The following NEBL variants were observed in gnomAD, a reference collection of about 807,000 sequenced individuals.
The protein encoded by NEBL is nebulette.
NEBL carries 122 observed loss-of-function variants against 140.2 expected under a neutral mutation model. The ratio of observed to expected loss-of-function variants is 0.87; its 90% CI spans 0.75 to 1.01. NEBL has a LOEUF of 1.01. Ranked by LOEUF, NEBL falls within the 50% of genes least tolerant of loss-of-function variation. The pLI is 0.00. For missense variants in NEBL, 1,365 were observed against 1,231.3 expected (o/e 1.11, Z -1.62); for synonymous variants, 436 against 398.9 (o/e 1.09, Z -1.11).
At chr10:20,931,590 G>A (rs1401453223) in intron 4 of NEBL, among the ~76,000 whole-genome samples, 2 of 152,102 alleles carry the variant, frequency 1.3e-5, no homozygotes, top group Non-Finnish European at 2.9e-5. Context: ...CAGGCCTCCT[G>A]GGGGAGGCTC....
intron 1 of NEBL, among the ~76,000 whole-genome samples, chr10:21,270,242 T>C (rs58335572): frequency 0.14 from 20,972 of 152,150 alleles, 2,004 homozygotes; most frequent in African/African-American, 0.26. Context: ...TCAGAAATTA[T>C]CGTAAACCAC....
chr10:20,825,827 C>A (rs893187712), intron 18 of NEBL, among the ~76,000 whole-genome samples: 3 of 152,060 alleles, frequency 2.0e-5, no homozygotes, highest in African/African-American at 7.2e-5. Flanking sequence ...CAGAAGAGGA[C>A]CCCTCCCCCC....
chr10:21,111,174 T>C (rs1362896318), intron 2 of NEBL, among the ~76,000 whole-genome samples: 1 of 152,152 alleles, frequency 6.6e-6, no homozygotes, highest in East Asian at 1.9e-4. Context: ...TTTCCCAAGG[T>C]AATTTATACA....
chr10:20,872,380 C>T (rs139010589), intron 5 of NEBL, among the ~76,000 whole-genome samples: 29 of 152,222 alleles, frequency 1.9e-4, no homozygotes, highest in Middle Eastern at 3.4e-3. Context: ...AATATCACTC[C>T]TTGGGAATAT....
chr10:20,952,601 C>T (rs1835535030), intron 4 of NEBL, among the ~76,000 whole-genome samples: 1 of 151,912 alleles, frequency 6.6e-6, no homozygotes, highest in South Asian at 2.1e-4. Context: ...TATCTAGCTT[C>T]ACTAAAGAAA....
intron 20 of NEBL, chr10:20,818,693 G>A (rs1349587051): frequency 1.5e-6 from 1 of 671,666 alleles, no homozygotes; most frequent in Non-Finnish European, 1.8e-6. Context: ...AGGATAGAAA[G>A]TGGGTCTTAC....
At chr10:21,178,541 C>G (rs2132202069), upstream of NEBL, among the ~76,000 whole-genome samples, 1 of 152,340 alleles carries the variant, frequency 6.6e-6, no homozygotes. Flanking sequence ...TACCATATTT[C>G]CTCTCCCACA....
intron 3 of NEBL, among the ~76,000 whole-genome samples, chr10:21,233,126 A>G (rs981639374): frequency 2.0e-5 from 3 of 152,106 alleles, no homozygotes; most frequent in African/African-American, 7.2e-5. Flanking sequence ...ACAATGGCAC[A>G]ATGTTGGTTC....
intron 7 of NEBL, among the ~76,000 whole-genome samples, chr10:20,862,993 C>A (rs1034599216): frequency 6.6e-6 from 1 of 151,848 alleles, no homozygotes; most frequent in Non-Finnish European, 1.5e-5. Flanking sequence ...GGAAATAACA[C>A]CTTTTGAAAA....
intron 3 of NEBL, among the ~76,000 whole-genome samples, chr10:21,009,090 G>C (rs1838240894): frequency 6.6e-6 from 1 of 152,030 alleles, no homozygotes; most frequent in Non-Finnish European, 1.5e-5. Context: ...TATGTTCTCT[G>C]TCCAATAGCA....
intron 3 of NEBL, among the ~76,000 whole-genome samples, chr10:21,186,403 C>T (rs1379954708): frequency 3.3e-5 from 5 of 151,822 alleles, no homozygotes; most frequent in African/African-American, 4.8e-5. Context: ...AGGGTGTATA[C>T]GTGTGTATAC....
Position 21,169,093 on chromosome 10 carries a change from T to TAA in NEBL, c.164+3289_164+3290insTT, listed in dbSNP as rs1250705445. Among the ~76,000 whole-genome samples, 55 of 119,798 alleles carry TAA rather than the reference T, an allele frequency of 4.6e-4. 2 individuals are homozygous for TAA. The highest frequency in any genetic ancestry group is 1.6e-3 in the African/African-American group (53 of 33,294). 78.6% of individuals were successfully genotyped at this position (119,798 alleles called of 152,430 possible). On this transcript the variant is annotated intron_variant, in intron 2 of 6. Coordinates refer to the NEBL transcript ENST00000417816. ...ATATATATATATATATATATATATA[T>TAA]ATATATATATATATTTGGACATATA...
intron 3 of NEBL, among the ~76,000 whole-genome samples, chr10:21,200,626 T>C (rs185367102): frequency 1.8e-3 from 267 of 152,298 alleles, no homozygotes; most frequent in African/African-American, 6.0e-3. Flanking sequence ...ACGGGAATTT[T>C]AAGATGGCCA....
chr10:20,934,941 G>C (rs572467526), intron 4 of NEBL, among the ~76,000 whole-genome samples: 1 of 152,330 alleles, frequency 6.6e-6, no homozygotes, highest in Admixed American at 6.5e-5. Context: ...CAAGAGTTGT[G>C]ATTGGAAATG....
chr10:21,045,747 T>C (rs1279822043), intron 2 of NEBL, among the ~76,000 whole-genome samples: 1 of 152,190 alleles, frequency 6.6e-6, no homozygotes, highest in East Asian at 1.9e-4. Flanking sequence ...AAGGAAACCC[T>C]TGTACATTGT....
chr10:20,852,181 C>A (rs544407209), intron 10 of NEBL, among the ~76,000 whole-genome samples: 3 of 152,130 alleles, frequency 2.0e-5, no homozygotes, highest in East Asian at 1.9e-4. Context: ...TTATAATAAA[C>A]CTTGCACCTG....
intron 2 of NEBL, among the ~76,000 whole-genome samples, chr10:21,138,886 A>C (rs1296334325): frequency 1.3e-5 from 2 of 152,166 alleles, no homozygotes; most frequent in African/African-American, 4.8e-5. Flanking sequence ...AGCGATTACT[A>C]TCATTCCAGA....
At chr10:20,858,596 T>A (rs71541568) in intron 8 of NEBL, among the ~76,000 whole-genome samples, 1 of 152,170 alleles carries the variant, frequency 6.6e-6, no homozygotes, top group African/African-American at 2.4e-5. Context: ...GTCAATAGAA[T>A]AAAGTAATTT....
At chr10:20,863,471 T>C (rs1843939205) in intron 7 of NEBL, among the ~76,000 whole-genome samples, 1 of 152,194 alleles carries the variant, frequency 6.6e-6, no homozygotes, top group South Asian at 2.1e-4. Context: ...CCAGCAATCT[T>C]GGATGAAATC....
Sources: gnomAD v4.1 joint callset for allele counts (sites outside exome capture counted in the v4.1 genomes callset) on GRCh38, gnomAD v4.1.1 for gene constraint, MANE v1.5 for transcripts, NCBI Gene and HGNC (gene_info 2026-07-23, HGNC 2026-07-21) for gene names.